KIF26B: variants seen among roughly 807,000 people sequenced by gnomAD.
KIF26B encodes the protein kinesin family member 26B.
Under a neutral mutation model 151.2 loss-of-function variants are expected in KIF26B, and 63 were observed. That is an observed-to-expected ratio of 0.42 (90% CI 0.34 to 0.51). The LOEUF is 0.51. KIF26B is among the 20% of genes least tolerant of loss of function. KIF26B has a pLI of 0.07. For synonymous variants in KIF26B, 1,357 were observed against 1,262.1 expected, an observed-to-expected ratio of 1.08 and a Z score of -1.59; for missense variants, 2,813 against 2,913.6, an observed-to-expected ratio of 0.97 and a Z score of 0.79.
chr1:245,700,953 T>C (rs2044762818), intron 14 of KIF26B, among the ~76,000 whole-genome samples: 1 of 152,240 alleles, frequency 6.6e-6, no homozygotes, highest in East Asian at 1.9e-4. Flanking sequence ...TCCTTCATTT[T>C]TGCTATTTTC....
At chr1:245,668,208 ATCT>A (rs1463342959) in intron 10 of KIF26B, among the ~76,000 whole-genome samples, 1 of 152,022 alleles carries the variant, frequency 6.6e-6, no homozygotes, top group African/African-American at 2.4e-5. Flanking sequence ...CTATTTCCTT[ATCT>A]TCTTATCCGC....
intron 3 of KIF26B, among the ~76,000 whole-genome samples, chr1:245,394,058 G>C (rs1054897404): frequency 1.3e-5 from 2 of 152,138 alleles, no homozygotes; most frequent in African/African-American, 4.8e-5. Flanking sequence ...GCCTTTTGGG[G>C]GTTTTGAGGT....
At chr1:245,228,567 CA>C (rs111647275) in intron 2 of KIF26B, among the ~76,000 whole-genome samples, 23,396 of 115,682 alleles carry the variant, frequency 0.2, 2,393 homozygotes, top group African/African-American at 0.36. Context: ...AACTCCATCT[CA>C]AAAAAAAAAA....
intron 4 of KIF26B, among the ~76,000 whole-genome samples, chr1:245,494,504 A>G (rs1318500192): frequency 6.6e-6 from 1 of 152,194 alleles, no homozygotes; most frequent in Non-Finnish European, 1.5e-5. Context: ...GCTGCCTACC[A>G]GAGGACTGGG....
intron 5 of KIF26B, among the ~76,000 whole-genome samples, chr1:245,598,133 T>A (rs1177873585): frequency 2.6e-5 from 4 of 152,102 alleles, no homozygotes; most frequent in Non-Finnish European, 5.9e-5. Flanking sequence ...AGTGGTGAAT[T>A]AACTCTGTAG....
Position 245,687,856 on chromosome 1 carries a change from A to G in KIF26B, c.4873A>G (p.Ser1625Gly), listed in dbSNP as rs1248347605. 1 of 1,593,080 alleles carries G rather than the reference A, an allele frequency of 6.3e-7. No homozygotes were observed. The highest frequency in any genetic ancestry group is 1.1e-5 in the South Asian group (1 of 87,444). Residue 1625 changes from serine to glycine, a missense_variant, in exon 12 of 15, where the codon AGC (serine) becomes GGC (glycine). Physicochemically the swap from Ser to Gly is moderately conservative, Grantham distance 56. Coordinates refer to ENST00000407071, the MANE Select transcript of KIF26B (RefSeq NM_018012.4). The surrounding 1 kb of genome is among the most constrained non-coding windows in gnomAD (Gnocchi z 4.9). ...CAGTGCCAGCGGCAGCGGCACCAGC[A>G]GCCCCCTGAACCAACCAGCCGCCTT... is the stretch of plus-strand genomic sequence containing the variant. Reference protein sequence around the residue: ...QHSASGSGTSSPLNQPAAFPA... With the variant: ...QHSASGSGTSGPLNQPAAFPA...
intron 9 of KIF26B, among the ~76,000 whole-genome samples, chr1:245,617,753 G>A (rs961235904): frequency 9.9e-5 from 15 of 152,238 alleles, no homozygotes; most frequent in Non-Finnish European, 1.8e-4. Context: ...TCCCATCACC[G>A]CCTCCGTTTC....
chr1:245,173,104 G>A (rs1484218169), intron 2 of KIF26B, among the ~76,000 whole-genome samples: 2 of 152,176 alleles, frequency 1.3e-5, no homozygotes, highest in African/African-American at 4.8e-5. Flanking sequence ...GCTATGACCT[G>A]GATGAACCCT....
intron 2 of KIF26B, among the ~76,000 whole-genome samples, chr1:245,245,495 A>C (rs1355584291): frequency 6.6e-6 from 1 of 152,114 alleles, no homozygotes; most frequent in African/African-American, 2.4e-5. Flanking sequence ...AGACCTTTCA[A>C]AGGTTTGCAG....
chr1:245,471,713 T>C (rs1378431900), intron 4 of KIF26B, among the ~76,000 whole-genome samples: 1 of 152,176 alleles, frequency 6.6e-6, no homozygotes, highest in African/African-American at 2.4e-5. Context: ...AATTCATTCA[T>C]TGAGCCTGTG....
At chr1:245,612,863 G>A (rs897159494) in intron 9 of KIF26B, among the ~76,000 whole-genome samples, 3 of 152,104 alleles carry the variant, frequency 2.0e-5, no homozygotes, top group Admixed American at 2.0e-4. Context: ...ACCCAACACT[G>A]TGCCCCTACA....
At chr1:245,544,420 T>G (rs1446389306) in intron 5 of KIF26B, among the ~76,000 whole-genome samples, 1 of 152,064 alleles carries the variant, frequency 6.6e-6, no homozygotes, top group Non-Finnish European at 1.5e-5. Flanking sequence ...GAGAGTGTTG[T>G]CACCCAGCCG....
At chr1:245,451,455 A>G (rs941543604) in intron 4 of KIF26B, among the ~76,000 whole-genome samples, 1 of 151,280 alleles carries the variant, frequency 6.6e-6, no homozygotes. Flanking sequence ...TATTGTTTTT[A>G]TTTTTTAATT....
chr1:245,611,462 G>C (rs1041680398), intron 8 of KIF26B, among the ~76,000 whole-genome samples: 67 of 152,276 alleles, frequency 4.4e-4, no homozygotes, highest in African/African-American at 1.6e-3. Context: ...AGGGGTGTTG[G>C]TTTGCCGCCC....
At chr1:245,517,715 G>C (rs1661000765) in intron 4 of KIF26B, among the ~76,000 whole-genome samples, 5 of 152,156 alleles carry the variant, frequency 3.3e-5, no homozygotes, top group Admixed American at 1.3e-4. Context: ...ATATGGAAGA[G>C]ATGAATAATT....
chr1:245,333,070 G>A (rs1672145459), intron 2 of KIF26B, among the ~76,000 whole-genome samples: 1 of 152,132 alleles, frequency 6.6e-6, no homozygotes, highest in African/African-American at 2.4e-5. Flanking sequence ...CAGCATGCAG[G>A]AGAAAAGCAG....
chr1:245,692,020 C>T (rs1403323795), intron 12 of KIF26B, among the ~76,000 whole-genome samples: 6 of 152,146 alleles, frequency 3.9e-5, no homozygotes, highest in East Asian at 3.8e-4. Flanking sequence ...GCAAGTAAAA[C>T]GAGAAGATTG....
At chr1:245,432,684 A>C (rs1658808275) in intron 4 of KIF26B, among the ~76,000 whole-genome samples, 1 of 152,240 alleles carries the variant, frequency 6.6e-6, no homozygotes, top group Non-Finnish European at 1.5e-5. Flanking sequence ...GACATTATAG[A>C]AACTAAAGAT....
chr1:245,406,487 T>C (rs538576922), intron 3 of KIF26B, among the ~76,000 whole-genome samples: 1 of 152,264 alleles, frequency 6.6e-6, no homozygotes, highest in South Asian at 2.1e-4. Context: ...AACTTGGACA[T>C]GGAGGTGACG....
Sources: allele counts gnomAD v4.1 joint callset (sites outside exome capture counted in the v4.1 genomes callset), GRCh38; gene constraint gnomAD v4.1.1; non-coding constraint Gnocchi (gnomAD v3.1); transcripts MANE v1.5; gene names NCBI Gene and HGNC (gene_info 2026-07-23, HGNC 2026-07-21).